MSH3: variants seen among roughly 807,000 people sequenced by gnomAD.
MSH3 encodes DNA mismatch repair protein Msh3.
MSH3 carries 106 observed loss-of-function variants against 123.3 expected under a neutral mutation model. The observed-to-expected ratio is 0.86, with a 90% CI of 0.73 to 1.01. MSH3 has a LOEUF of 1.01. MSH3 is among the 50% of genes least tolerant of loss of function. The pLI, the probability that MSH3 is intolerant of heterozygous loss-of-function variation, is 0.00. For synonymous variants in MSH3, 515 were observed against 481.4 expected, an observed-to-expected ratio of 1.07 and a Z score of -0.91; for missense variants, 1,459 against 1,347.6, an observed-to-expected ratio of 1.08 and a Z score of -1.29.
At chr5:80,657,542 A>G (rs1749320277) in intron 2 of MSH3, among the ~76,000 whole-genome samples, 1 of 152,146 alleles carries the variant, frequency 6.6e-6, no homozygotes, top group Non-Finnish European at 1.5e-5. Flanking sequence ...GCATATAGAC[A>G]GTTGAGCAGA....
intron 21 of MSH3, 33 bp downstream of exon 21, chr5:80,854,349 A>T: frequency 6.4e-7 from 1 of 1,565,416 alleles, no homozygotes; most frequent in Non-Finnish European, 8.8e-7. Flanking sequence ...TTAAAAAGAA[A>T]TTAATTTGTA....
At chr5:80,793,726 TAAGG>T (rs1446354549) in intron 19 of MSH3, among the ~76,000 whole-genome samples, 2 of 152,138 alleles carry the variant, frequency 1.3e-5, no homozygotes, top group African/African-American at 4.8e-5. Flanking sequence ...TGTTCAGAGA[TAAGG>T]AAGAGGCCAG....
At chr5:80,678,407 A>C (rs1010592175) in intron 7 of MSH3, among the ~76,000 whole-genome samples, 1 of 152,242 alleles carries the variant, frequency 6.6e-6, no homozygotes, top group African/African-American at 2.4e-5. Flanking sequence ...AGAGTTTGAT[A>C]AAGTATACAT....
At chr5:80,788,802 CAA>C (rs199590090) in intron 18 of MSH3, among the ~76,000 whole-genome samples, 50 of 90,032 alleles carry the variant, frequency 5.6e-4, no homozygotes, top group Middle Eastern at 6.8e-3. Context: ...GAGCCTGTCT[CAA>C]AAAAAAAAAA....
chr5:80,768,832 T>C lies in MSH3; in HGVS notation c.2085-3T>C, dbSNP rs1744167818. The C allele has an allele frequency of 5.0e-6, 8 of 1,601,028 alleles. No individual in the cohort carries two copies. Among genetic ancestry groups the C allele is most frequent in the Non-Finnish European group, 6.8e-6 (8 of 1,169,760 alleles). ...TATGTATTTGCATGTTTTGATTTTTTAGAGTTGGGGATAAAACTGAATTAT... is the reference window on the plus strand; with the variant it reads ...TATGTATTTGCATGTTTTGATTTTTCAGAGTTGGGGATAAAACTGAATTAT... On this transcript the variant is annotated splice_polypyrimidine_tract_variant and splice_region_variant and intron_variant, in intron 14 of 23. Transcript: ENST00000265081.
At chr5:80,740,621 A>G (rs1743595523) in intron 10 of MSH3, among the ~76,000 whole-genome samples, 1 of 152,104 alleles carries the variant, frequency 6.6e-6, no homozygotes, top group Non-Finnish European at 1.5e-5. Context: ...TGGCCTCCCA[A>G]AGTGGTGGGA....
rs575879279 is a variant in MSH3, at chr5:80,663,989, A to G, written c.359-1154A>G. ...CAGTCCCAGTTCCTTTACATTTAAT[A>G]GCACCAACCTAATAGTAGTGCTCTA... On this transcript the variant is annotated intron_variant, in intron 2 of 23. Coordinates refer to ENST00000265081, the MANE Select transcript of MSH3 (RefSeq NM_002439.5). Among the ~76,000 whole-genome samples, 4 of 152,344 alleles carry G rather than the reference A, an allele frequency of 2.6e-5. No homozygotes were observed. The South Asian group carries it at 8.3e-4, about 32-fold the overall frequency.
intron 10 of MSH3, 46 bp from the exon 11 acceptor site, chr5:80,741,418 C>A: frequency 8.1e-7 from 1 of 1,227,572 alleles, no homozygotes; most frequent in South Asian, 1.2e-5. Flanking sequence ...TTTTTTATTT[C>A]TTTATGCACT....
At chr5:80,824,155 TC>T (rs1316183726) in intron 20 of MSH3, among the ~76,000 whole-genome samples, 3 of 152,242 alleles carry the variant, frequency 2.0e-5, no homozygotes, top group Non-Finnish European at 4.4e-5. Flanking sequence ...TTCCCCCTTT[TC>T]TATTCCACAA....
chr5:80,723,304 A>G (rs770572744), intron 8 of MSH3, among the ~76,000 whole-genome samples: 2 of 152,114 alleles, frequency 1.3e-5, no homozygotes, highest in Non-Finnish European at 2.9e-5. Context: ...GTCGTGATAC[A>G]GAGATAGACA....
Position 80,672,346 on chromosome 5 carries a change from G to T in MSH3, c.895G>T (p.Ala299Ser). ...GTTTGTTCATGTACGCCGCCTGGTG[G>T]CAAAAGGATATAAGGTCAGCTTTGG... ...RLFVHVRRLV[A>S]KGYKVGVVKQ... is the part of the protein sequence containing the mutation. The change falls in exon 5 of 24, where the codon GCA becomes TCA. Residue 299 changes from alanine (A) to serine (S), a missense_variant. Transcript: ENST00000265081. 6.2e-7 allele frequency: 1 copy of T among 1,612,642 alleles called. No homozygotes were observed. The highest frequency in any genetic ancestry group is 8.5e-7 in the Non-Finnish European group (1 of 1,178,666).
In MSH3 at chr5:80,689,845, A is replaced by G. The variant is rs183105654; in HGVS notation, c.1340+10752A>G. ...AGTATTCTCCACCAGATCCTGTGCTATGATATTGCTGTAATATGCTGTGTA... is the reference window on the plus strand; with the variant it reads ...AGTATTCTCCACCAGATCCTGTGCTGTGATATTGCTGTAATATGCTGTGTA... On this transcript the variant is annotated intron_variant, in intron 8 of 23. Coordinates refer to ENST00000265081, the MANE Select transcript of MSH3 (RefSeq NM_002439.5). 2.3e-3 allele frequency among the ~76,000 whole-genome samples: 352 copies of G among 151,976 alleles called. 2 individuals are homozygous for G. Among genetic ancestry groups the G allele is most frequent in the African/African-American group, 6.7e-3 (278 of 41,456 alleles).
At chr5:80,872,623 T>C (rs1746237559) in intron 22 of MSH3, among the ~76,000 whole-genome samples, 1 of 152,086 alleles carries the variant, frequency 6.6e-6, no homozygotes, top group Non-Finnish European at 1.5e-5. Context: ...CTGAGCAACA[T>C]AGCAAGACCT....
At chr5:80,718,865 T>G (rs1381915360) in intron 8 of MSH3, among the ~76,000 whole-genome samples, 1 of 152,154 alleles carries the variant, frequency 6.6e-6, no homozygotes. Flanking sequence ...AAATGGCCCA[T>G]TATTGGGCAA....
chr5:80,685,973 T>C (rs1750078558), intron 8 of MSH3, among the ~76,000 whole-genome samples: 1 of 152,216 alleles, frequency 6.6e-6, no homozygotes, highest in South Asian at 2.1e-4. Flanking sequence ...ATTATTCTTG[T>C]TTTCGATTTC....
chr5:80,680,169 A>G (rs953847983), intron 8 of MSH3, among the ~76,000 whole-genome samples: 38 of 151,874 alleles, frequency 2.5e-4, no homozygotes, highest in Non-Finnish European at 4.9e-4. Flanking sequence ...CTGAGGCAGG[A>G]TAATCGCTTG....
chr5:80,745,608 A>G (rs1401082400), intron 12 of MSH3, among the ~76,000 whole-genome samples: 1 of 152,206 alleles, frequency 6.6e-6, no homozygotes, highest in African/African-American at 2.4e-5. Flanking sequence ...CTCTGGCTAG[A>G]CCAGAGTGAA....
intron 2 of MSH3, among the ~76,000 whole-genome samples, chr5:80,659,417 C>A (rs921453664): frequency 6.6e-6 from 1 of 152,144 alleles, no homozygotes; most frequent in Non-Finnish European, 1.5e-5. Flanking sequence ...CCCCAGCACT[C>A]CCCAGCCCTA....
At chr5:80,750,076 A>AGTGTGTGT (rs1198301474) in intron 12 of MSH3, among the ~76,000 whole-genome samples, 20 of 39,846 alleles carry the variant, frequency 5.0e-4, no homozygotes, top group Admixed American at 7.6e-4. Flanking sequence ...ATAGTATTCC[A>AGTGTGTGT]GAGTGTGTGT....
Sources: allele counts gnomAD v4.1 joint callset (sites outside exome capture counted in the v4.1 genomes callset), GRCh38; gene constraint gnomAD v4.1.1; transcripts MANE v1.5; gene names NCBI Gene and HGNC (gene_info 2026-07-23, HGNC 2026-07-21).